Variants in ARMC3 observed in about 807,000 individuals in gnomAD.
The protein encoded by ARMC3 is armadillo repeat containing 3, also known as armadillo repeat-containing protein 3.
A neutral mutation model predicts 90.3 loss-of-function variants in ARMC3; 74 were observed. That is an observed-to-expected ratio of 0.82 (90% CI 0.68 to 0.99). ARMC3 has a LOEUF of 0.99. ARMC3 is among the 50% of genes least tolerant of loss of function. ARMC3 has a pLI of 0.00. For synonymous variants in ARMC3, 334 were observed against 361.8 expected, an observed-to-expected ratio of 0.92 and a Z score of 0.87; for missense variants, 958 against 1,042.8, an observed-to-expected ratio of 0.92 and a Z score of 1.12.
intron 16 of ARMC3, among the ~76,000 whole-genome samples, chr10:23,025,758 A>T (rs1192712282): frequency 6.6e-6 from 1 of 152,116 alleles, no homozygotes; most frequent in Non-Finnish European, 1.5e-5. Context: ...AAATCAATGA[A>T]ATTTAAAACA....
At chr10:23,014,499 A>G in intron 16 of ARMC3, 1 of 1,013,092 alleles carries the variant, frequency 9.9e-7, no homozygotes, top group Non-Finnish European at 1.2e-6. Context: ...AGCCATTGGG[A>G]ATATTTTATG....
intron 2 of ARMC3, among the ~76,000 whole-genome samples, chr10:22,945,659 G>A (rs532411929): frequency 3.3e-5 from 5 of 152,152 alleles, no homozygotes; most frequent in African/African-American, 1.2e-4. Context: ...AGATGGTCAT[G>A]GAATAAAATA....
At chr10:23,021,462 T>C (rs1381230749) in intron 16 of ARMC3, among the ~76,000 whole-genome samples, 1 of 152,246 alleles carries the variant, frequency 6.6e-6, no homozygotes, top group African/African-American at 2.4e-5. Context: ...CTCCACAACC[T>C]TGCCAACATC....
At chr10:23,014,669 A>G (rs1446314000) in intron 16 of ARMC3, among the ~76,000 whole-genome samples, 1 of 152,176 alleles carries the variant, frequency 6.6e-6, no homozygotes, top group Non-Finnish European at 1.5e-5. Flanking sequence ...ATGGAGCTGG[A>G]AGTCATTATC....
chr10:22,962,491 G>A (rs1209790683), intron 7 of ARMC3, among the ~76,000 whole-genome samples: 1 of 152,118 alleles, frequency 6.6e-6, no homozygotes, highest in African/African-American at 2.4e-5. Flanking sequence ...TGTGCCTTCT[G>A]GGATCTCCTG....
At chr10:22,944,631 C>T (rs540526913) in intron 2 of ARMC3, among the ~76,000 whole-genome samples, 2 of 152,316 alleles carry the variant, frequency 1.3e-5, no homozygotes, top group Admixed American at 1.3e-4. Flanking sequence ...AAACCATGGT[C>T]AGTGAGCCAC....
intron 7 of ARMC3, among the ~76,000 whole-genome samples, chr10:22,967,098 A>C (rs1353619717): frequency 6.6e-6 from 1 of 151,976 alleles, no homozygotes; most frequent in East Asian, 1.9e-4. Flanking sequence ...AGACCCAGAG[A>C]AGTGTTGTAA....
In ARMC3 at chr10:23,001,923, G is replaced by A; in HGVS notation, c.1430G>A (p.Arg477Lys). 6.2e-7 allele frequency: 1 copy of A among 1,613,210 alleles called. No individual in the cohort carries two copies. Among genetic ancestry groups the A allele is most frequent in the African/African-American group, 1.3e-5 (1 of 74,994 alleles). The part of the protein sequence containing the change: ...ACDVEARTEL[R>K]NSGGLEPLVE... ...CATTTTGGTTTCTGCTTTTAGTTAA[G>A]AAATTCTGGTGGATTGGAGCCCCTG... The change falls in exon 12 of 19, where the codon AGA (arginine) becomes AAA (lysine). Residue 477 changes from arginine to lysine, a missense_variant. Physicochemically the swap from Arg to Lys is conservative, Grantham distance 26 (BLOSUM62 2). Transcript: ENST00000298032.
intron 3 of ARMC3, among the ~76,000 whole-genome samples, chr10:22,950,154 G>A (rs1834688717): frequency 6.6e-6 from 1 of 151,826 alleles, no homozygotes. Context: ...GGCCTTTTAG[G>A]CAGAAGGAAA....
intron 8 of ARMC3, among the ~76,000 whole-genome samples, chr10:22,970,985 C>A (rs1000096909): frequency 1.3e-5 from 2 of 152,132 alleles, no homozygotes; most frequent in African/African-American, 4.8e-5. Flanking sequence ...GTGGTGCTGT[C>A]CATCCACAGA....
chr10:23,020,727 T>C (rs1838476446), intron 16 of ARMC3, among the ~76,000 whole-genome samples: 1 of 152,216 alleles, frequency 6.6e-6, no homozygotes, highest in Admixed American at 6.5e-5. Context: ...TTATTTGCCA[T>C]CTTTATATCC....
At chr10:22,999,005 G>T (rs562402854) in intron 11 of ARMC3, among the ~76,000 whole-genome samples, 1 of 152,338 alleles carries the variant, frequency 6.6e-6, no homozygotes, top group South Asian at 2.1e-4. Context: ...AGGGAGAAAG[G>T]GGGGCATGTA....
In ARMC3 at chr10:23,038,396, T is replaced by C. The variant is rs1299121239; in HGVS notation, c.*917T>C. 2 of 152,180 alleles carry C rather than the reference T, an allele frequency of 1.3e-5. No individual in the cohort carries two copies. Among genetic ancestry groups the C allele is most frequent in the Non-Finnish European group, 2.9e-5 (2 of 68,026 alleles). The allele number at this position is 152,180 out of a possible 1,614,324, so 9.4% of individuals were successfully genotyped here. The stretch of plus-strand genomic sequence containing the variant: ...GCTTAAAGTCCAGTGTTGACCTGTA[T>C]AGTCATTTTCCTAGAAGACGTTTTA... On this transcript the variant is annotated 3_prime_UTR_variant, in exon 19 of 19. Coordinates refer to ENST00000298032, the MANE Select transcript of ARMC3 (RefSeq NM_173081.5).
chr10:22,980,934 T>C (rs145845896), intron 8 of ARMC3, among the ~76,000 whole-genome samples: 1 of 152,236 alleles, frequency 6.6e-6, no homozygotes, highest in African/African-American at 2.4e-5. Flanking sequence ...TTTGCACATC[T>C]TAGGCATTCT....
intron 1 of ARMC3, among the ~76,000 whole-genome samples, chr10:22,929,403 G>A (rs1007419269): frequency 2.6e-5 from 4 of 152,054 alleles, no homozygotes; most frequent in Admixed American, 6.6e-5. Flanking sequence ...TATTTTATTC[G>A]TTGTGCCCTT....
intron 8 of ARMC3, among the ~76,000 whole-genome samples, chr10:22,975,535 A>C (rs558807939): frequency 1.4e-4 from 22 of 152,342 alleles, no homozygotes; most frequent in African/African-American, 5.3e-4. Flanking sequence ...ATCGCACTCC[A>C]GCCTGGGCAA....
chr10:23,002,548 CTCTTTCTTTCTTTCTTTCTTTCTT>C (rs137938291), intron 12 of ARMC3, among the ~76,000 whole-genome samples: 1 of 147,480 alleles, frequency 6.8e-6, no homozygotes, highest in Non-Finnish European at 1.5e-5. Context: ...CATTTCTTTT[CTCTTTCTTTCTTTCTTTCTTTCTT>C]TCTTTCTTTC....
chr10:23,034,961 A>T (rs1010817097), intron 18 of ARMC3, among the ~76,000 whole-genome samples: 17 of 152,180 alleles, frequency 1.1e-4, no homozygotes, highest in Non-Finnish European at 1.5e-5. Flanking sequence ...GCTCTATATG[A>T]GTGTCTCATA....
Position 23,037,438 on chromosome 10 carries a change from A to G in ARMC3, c.2578A>G (p.Lys860Glu). ...DLMFHPGGLM[K>E]LRSREADLYR... Reference sequence around the variant, plus strand: ...CATGTTCCATCCAGGTGGACTGATGAAGTTGAGAAGTCGAGAGGCTGATCT... The same window carrying G: ...CATGTTCCATCCAGGTGGACTGATGGAGTTGAGAAGTCGAGAGGCTGATCT... Residue 860 changes from lysine to glutamate, a missense_variant, in exon 19 of 19, where the codon AAG (lysine) becomes GAG (glutamate). By Grantham distance (56) the Lys-to-Glu change is moderately conservative (BLOSUM62 1). Coordinates refer to ENST00000298032, the MANE Select transcript of ARMC3 (RefSeq NM_173081.5). The G allele has an allele frequency of 1.2e-6, 2 of 1,613,872 alleles. No homozygotes were observed. Among genetic ancestry groups the G allele is most frequent in the Non-Finnish European group, 1.7e-6 (2 of 1,179,920 alleles).
Sources: gnomAD v4.1 joint callset for allele counts (sites outside exome capture counted in the v4.1 genomes callset) on GRCh38, gnomAD v4.1.1 for gene constraint, MANE v1.5 for transcripts, NCBI Gene and HGNC (gene_info 2026-07-23, HGNC 2026-07-21) for gene names.